CFAP20DC: variants seen among roughly 807,000 people sequenced by gnomAD.
The protein encoded by CFAP20DC is CFAP20 domain containing.
A neutral mutation model predicts 101.7 loss-of-function variants in CFAP20DC; 84 were observed. That is an observed-to-expected ratio of 0.83 (90% CI 0.69 to 0.99). The LOEUF (loss-of-function observed/expected upper bound fraction) is 0.99, where lower values mean the gene tolerates loss of function less well. CFAP20DC is among the 50% of genes least tolerant of loss of function. CFAP20DC has a pLI of 0.00. For synonymous variants in CFAP20DC, 359 were observed against 351.2 expected (o/e 1.02, Z -0.25); for missense variants, 1,007 against 970.3 (o/e 1.04, Z -0.50).
At position 58,884,988 on chromosome 3, in the gene CFAP20DC, A is replaced by G. The variant is rs372279552; in HGVS notation, c.551-279T>C. ...TAAGAGCATGCATTGGAAATATTCC[A>G]TATTTTCTTTTCAATACTAGAGGTG... is the stretch of plus-strand genomic sequence containing the variant. On this transcript the variant is annotated intron_variant, in intron 6 of 16. Coordinates refer to ENST00000482387, the MANE Select transcript of CFAP20DC (RefSeq NM_001394063.1). Among the ~76,000 whole-genome samples, 38 of 152,288 alleles carry G rather than the reference A, an allele frequency of 2.5e-4. No individual in the cohort carries two copies. The Middle Eastern group carries it at 0.01, about 41-fold the overall frequency.
chr3:58,883,008 A>G (rs1404622049), intron 7 of CFAP20DC, among the ~76,000 whole-genome samples: 2 of 152,248 alleles, frequency 1.3e-5, no homozygotes, highest in Non-Finnish European at 2.9e-5. Context: ...AGGACATGCA[A>G]TATGATGAAG....
intron 4 of CFAP20DC, among the ~76,000 whole-genome samples, chr3:58,949,443 A>C (rs1279871440): frequency 2.0e-5 from 3 of 151,722 alleles, no homozygotes; most frequent in Non-Finnish European, 4.4e-5. Context: ...TTCCCTCTAC[A>C]CACTGCTTTG....
chr3:58,929,896 C>T (rs945776591), intron 5 of CFAP20DC, among the ~76,000 whole-genome samples: 5 of 152,164 alleles, frequency 3.3e-5, no homozygotes, highest in Admixed American at 2.0e-4. Flanking sequence ...ATCAACTGTT[C>T]TCCCTTGTTG....
In CFAP20DC at chr3:58,798,723, T is replaced by C. The variant is rs146424854; in HGVS notation, c.2237+7672A>G. Among the ~76,000 whole-genome samples, 4 of 152,304 alleles carry C rather than the reference T, an allele frequency of 2.6e-5. No homozygotes were observed. In the East Asian group the frequency reaches 7.7e-4, roughly 29 times the overall value. On this transcript the variant is annotated intron_variant, in intron 15 of 16. Transcript: ENST00000482387. ...CCAGTGATGTGGCAAACTTCATTGTTGTCTTATTTTAAGAAACTGCCAGAG... is the reference window on the plus strand; with the variant it reads ...CCAGTGATGTGGCAAACTTCATTGTCGTCTTATTTTAAGAAACTGCCAGAG...
intron 14 of CFAP20DC, among the ~76,000 whole-genome samples, chr3:58,806,852 G>A (rs1259652205): frequency 1.3e-5 from 2 of 152,170 alleles, no homozygotes; most frequent in African/African-American, 4.8e-5. Flanking sequence ...GGAAAATCGG[G>A]TCACTCCCAC....
chr3:58,826,029 T>C (rs1575784220), intron 14 of CFAP20DC, among the ~76,000 whole-genome samples: 1 of 152,194 alleles, frequency 6.6e-6, no homozygotes, highest in African/African-American at 2.4e-5. Flanking sequence ...AGACTCTTCA[T>C]TTTACTCTGC....
chr3:58,828,773 G>A (rs2076207600), intron 14 of CFAP20DC, among the ~76,000 whole-genome samples: 1 of 151,672 alleles, frequency 6.6e-6, no homozygotes, highest in Non-Finnish European at 1.5e-5. Flanking sequence ...GGTGACAAAT[G>A]TGCACATGTA....
chr3:59,008,912 C>T (rs1026305300), intron 4 of CFAP20DC, among the ~76,000 whole-genome samples: 2 of 151,546 alleles, frequency 1.3e-5, no homozygotes, highest in African/African-American at 4.8e-5. Context: ...ATAAAGTGTA[C>T]ACCATGAGAG....
At chr3:58,891,441 G>C (rs2082251700) in intron 6 of CFAP20DC, among the ~76,000 whole-genome samples, 1 of 149,296 alleles carries the variant, frequency 6.7e-6, no homozygotes, top group Non-Finnish European at 1.5e-5. Context: ...GAGAGGGAGA[G>C]GGAGAGGGAG....
Position 58,902,998 on chromosome 3 carries a change from C to G in CFAP20DC, c.550+10710G>C, listed in dbSNP as rs149997332. Among the ~76,000 whole-genome samples the G allele has an allele frequency of 5.3e-5, 8 of 152,076 alleles. No individual in the cohort carries two copies. In the East Asian group the frequency reaches 1.5e-3, roughly 29 times the overall value. ...GGGTGGGCTGACTATATTCCGGGTACTAGAATATACTAGAATGTTTTCTCT... is the reference window on the plus strand; with the variant it reads ...GGGTGGGCTGACTATATTCCGGGTAGTAGAATATACTAGAATGTTTTCTCT... On this transcript the variant is annotated intron_variant, in intron 6 of 16. Coordinates refer to ENST00000482387, the MANE Select transcript of CFAP20DC (RefSeq NM_001394063.1).
At chr3:58,883,495 A>C (rs1159244953) in intron 7 of CFAP20DC, among the ~76,000 whole-genome samples, 1 of 152,150 alleles carries the variant, frequency 6.6e-6, no homozygotes, top group Admixed American at 6.5e-5. Context: ...AAACTTATCT[A>C]CCCATTTTGC....
At chr3:58,985,653 C>A (rs1474310928) in intron 4 of CFAP20DC, among the ~76,000 whole-genome samples, 1 of 152,120 alleles carries the variant, frequency 6.6e-6, no homozygotes, top group African/African-American at 2.4e-5. Flanking sequence ...GCCGTGCTTA[C>A]CATTTGTGAT....
At chr3:58,723,558 G>A (rs1324373457) in intron 3 of CFAP20DC, among the ~76,000 whole-genome samples, 2 of 152,234 alleles carry the variant, frequency 1.3e-5, no homozygotes, top group East Asian at 1.9e-4. Context: ...AAACGAAGGT[G>A]GGGAGCATCA....
At chr3:58,773,196 G>C (rs982621625) in intron 15 of CFAP20DC, among the ~76,000 whole-genome samples, 10 of 151,682 alleles carry the variant, frequency 6.6e-5, no homozygotes, top group African/African-American at 2.4e-4. Flanking sequence ...GAGTGAAGTG[G>C]GTTTTCTTCC....
At chr3:58,763,957 T>C (rs2069975436) in intron 15 of CFAP20DC, among the ~76,000 whole-genome samples, 1 of 152,084 alleles carries the variant, frequency 6.6e-6, no homozygotes, top group South Asian at 2.1e-4. Flanking sequence ...TACTCGGGGG[T>C]TCCTCCCAGT....
At chr3:58,790,171 T>C (rs1008737582) in intron 15 of CFAP20DC, among the ~76,000 whole-genome samples, 2 of 152,156 alleles carry the variant, frequency 1.3e-5, no homozygotes, top group Admixed American at 6.5e-5. Flanking sequence ...CCTTCCTCCT[T>C]CTTCTAATTA....
rs1392427728 is a variant in CFAP20DC, at chr3:58,849,040, C to T, written c.1963G>A (p.Glu655Lys). 14 of 1,535,078 alleles carry T rather than the reference C, an allele frequency of 9.1e-6. No individual in the cohort carries two copies. Among genetic ancestry groups the T allele is most frequent in the African/African-American group, 4.1e-5 (3 of 72,956 alleles). Residue 655 changes from glutamate to lysine, a missense_variant, in exon 13 of 17, where the codon GAA becomes AAA. By Grantham distance (56) the Glu-to-Lys change is moderately conservative. Coordinates refer to ENST00000482387, the MANE Select transcript of CFAP20DC (RefSeq NM_001394063.1). ...ISGERLSSIP[E>K]ASEYDWRNYQ... ...ACACGGGAACCACTTACAGATGCTT[C>T]GGGGATCGAGCTCAGCCTTTCCCCT...
At position 58,923,800 on chromosome 3, in the gene CFAP20DC, A is replaced by C. The variant is rs4624579; in HGVS notation, c.394-9936T>G. ...ATTTTTAAAATTTCAAACAATTTCA[A>C]ATATTACTTCTATAAATTTTCTTCT... is the stretch of plus-strand genomic sequence containing the variant. On this transcript the variant is annotated intron_variant, in intron 5 of 16. Transcript: ENST00000482387. Among the ~76,000 whole-genome samples, 688 of 152,238 alleles carry C rather than the reference A, an allele frequency of 4.5e-3. 28 individuals carry two copies. In the East Asian group the frequency reaches 0.11, roughly 24 times the overall value.
At position 59,001,378 on chromosome 3, in the gene CFAP20DC, GTCTCTCCC is replaced by G. The variant is rs1212352985; in HGVS notation, c.278+38171_278+38178del. ...GCTTAGGAGTTTGGCCTTTGAAACA[GTCTCTCCC>G]TCTCTCCCTCTCTCCCTCTCTCCTT... On this transcript the variant is annotated intron_variant, in intron 4 of 16. Coordinates refer to ENST00000482387, the MANE Select transcript of CFAP20DC (RefSeq NM_001394063.1). This position sits in a 1 kb window ranked among gnomAD's most constrained non-coding sequence, Gnocchi z 4.5. Among the ~76,000 whole-genome samples the G allele has an allele frequency of 1.3e-4, 19 of 151,896 alleles. No homozygotes were observed. In the South Asian group the frequency reaches 1.5e-3, roughly 12 times the overall value.
Sources: gnomAD v4.1 joint callset for allele counts (sites outside exome capture counted in the v4.1 genomes callset) on GRCh38, gnomAD v4.1.1 for gene constraint, Gnocchi (gnomAD v3.1) non-coding constraint, MANE v1.5 for transcripts, NCBI Gene and HGNC (gene_info 2026-07-23, HGNC 2026-07-21) for gene names.